INSYN1: variants seen among roughly 807,000 people sequenced by gnomAD.
INSYN1 encodes UPF0583 protein C15orf59.
INSYN1 carries 7 observed loss-of-function variants against 17.1 expected under a neutral mutation model. The observed-to-expected ratio is 0.41, with a 90% CI of 0.23 to 0.77. The LOEUF (loss-of-function observed/expected upper bound fraction) is 0.77, where lower values mean the gene tolerates loss of function less well. Ranked by LOEUF, INSYN1 falls within the 30% of genes least tolerant of loss-of-function variation. The probability of loss-of-function intolerance (pLI) is 0.32; values close to 1 mark genes in which losing one functional copy is unlikely to be tolerated. For missense variants in INSYN1, 339 were observed against 400.6 expected (o/e 0.85, Z 1.31); for synonymous variants, 174 against 166.3 (o/e 1.05, Z -0.36).
Position 73,751,211 on chromosome 15 carries a change from G to A in INSYN1, c.-81C>T, listed in dbSNP as rs888966867. 1.5e-4 allele frequency: 223 copies of A among 1,530,150 alleles called. No individual in the cohort carries two copies. Among genetic ancestry groups the A allele is most frequent in the Non-Finnish European group, 1.7e-4 (197 of 1,129,722 alleles). The allele number at this position is 1,530,150 out of a possible 1,614,324, so 94.8% of individuals were successfully genotyped here. A position where few individuals can be genotyped will look rare whatever the true frequency, so the allele number is the denominator to read the frequency against. On this transcript the variant is annotated 5_prime_UTR_variant, in exon 2 of 3. Transcript: ENST00000569673. ...CGTCTGCCTCCACGGAGCCCCCCTC[G>A]GCTGGGCAGAGCTCCACATTTTAAC...
intron 2 of INSYN1, among the ~76,000 whole-genome samples, chr15:73,744,728 G>A (rs1443080571): frequency 6.6e-6 from 1 of 152,176 alleles, no homozygotes; most frequent in African/African-American, 2.4e-5. Flanking sequence ...TATATACACA[G>A]AAGGAAAGAG....
At chr15:73,743,828 CAAAAAAAAAAAAAAAAAAAAAAAAAAAA>C (rs71434209) in intron 2 of INSYN1, among the ~76,000 whole-genome samples, 3 of 21,296 alleles carry the variant, frequency 1.4e-4, no homozygotes, top group Admixed American at 1.9e-3. Context: ...GACTCTGTCT[CAAAAAAAAAAAAAAAAAAAAAAAAAAAA>C]AAGAAAGAAA....
chr15:73,753,150 C>T lies in INSYN1; in HGVS notation c.-1608G>A, dbSNP rs890923028. Among the ~76,000 whole-genome samples the T allele has an allele frequency of 2.0e-5, 3 of 147,172 alleles. No homozygotes were observed. Among genetic ancestry groups the T allele is most frequent in the Non-Finnish European group, 4.5e-5 (3 of 66,096 alleles). ...TCGGGGCTGGGCCTCCCTTCACCGCCTCGCCCTGCCCTGCCCCGCCGGGCT... is the reference window on the plus strand; with the variant it reads ...TCGGGGCTGGGCCTCCCTTCACCGCTTCGCCCTGCCCTGCCCCGCCGGGCT... On this transcript the variant is annotated 5_prime_UTR_variant, in exon 1 of 3. Coordinates refer to ENST00000569673, the MANE Select transcript of INSYN1 (RefSeq NM_001039614.3). The surrounding 1 kb of genome is among the most constrained non-coding windows in gnomAD (Gnocchi z 4.2).
intron 2 of INSYN1, among the ~76,000 whole-genome samples, chr15:73,740,945 CCT>C (rs1901677317): frequency 1.3e-5 from 2 of 152,232 alleles, no homozygotes; most frequent in African/African-American, 2.4e-5. Context: ...TTCACTCACC[CCT>C]GTCTCTCAAA....
intron 2 of INSYN1, among the ~76,000 whole-genome samples, chr15:73,747,741 A>C (rs762953927): frequency 2.0e-5 from 3 of 152,222 alleles, no homozygotes; most frequent in Non-Finnish European, 2.9e-5. Context: ...GCTGTTCTGC[A>C]TCTCTTACTT....
rs1252349457 is a variant in INSYN1, at chr15:73,753,306, C to G, written c.-1764G>C. On this transcript the variant is annotated 5_prime_UTR_variant, in exon 1 of 3. Transcript: ENST00000569673. The surrounding 1 kb of genome is among the most constrained non-coding windows in gnomAD (Gnocchi z 4.2). Reference sequence around the variant, plus strand: ...GGCGCTGGCTCCCTTAAAGGCCGCCCGGCTCGCTTGGCTCCGCTTGCCTCG... The same window carrying G: ...GGCGCTGGCTCCCTTAAAGGCCGCCGGGCTCGCTTGGCTCCGCTTGCCTCG... Among the ~76,000 whole-genome samples, 2 of 150,698 alleles carry G rather than the reference C, an allele frequency of 1.3e-5. No individual in the cohort carries two copies. Among genetic ancestry groups the G allele is most frequent in the Non-Finnish European group, 3.0e-5 (2 of 67,580 alleles).
chr15:73,741,349 CA>C (rs1161628393), intron 2 of INSYN1, among the ~76,000 whole-genome samples: 2 of 152,228 alleles, frequency 1.3e-5, no homozygotes, highest in African/African-American at 4.8e-5. Flanking sequence ...AGGAATAAAG[CA>C]AGCATTATTT....
At position 73,751,061 on chromosome 15, in the gene INSYN1, G is replaced by A. The variant is rs1206331721; in HGVS notation, c.70C>T (p.Arg24Trp). Reference sequence around the variant, plus strand: ...ACCATCTTCATGCGCTGTCGAATCCGCTCCCGCTCACCACCACTGCTGGGG... The same window carrying A: ...ACCATCTTCATGCGCTGTCGAATCCACTCCCGCTCACCACCACTGCTGGGG... Reference protein sequence around the residue: ...DDPSSGGERERIRQRMKMVIG... With the variant: ...DDPSSGGEREWIRQRMKMVIG... The change falls in exon 2 of 3, where the codon CGG becomes TGG. Residue 24 changes from arginine to tryptophan, a missense_variant. Physicochemically the swap from Arg to Trp is moderately radical, Grantham distance 101. Coordinates refer to ENST00000569673, the MANE Select transcript of INSYN1 (RefSeq NM_001039614.3). The A allele has an allele frequency of 3.1e-6, 5 of 1,613,964 alleles. No homozygotes were observed. Among genetic ancestry groups the A allele is most frequent in the African/African-American group, 1.3e-5 (1 of 75,008 alleles).
At chr15:73,746,622 G>A (rs1212349927) in intron 2 of INSYN1, among the ~76,000 whole-genome samples, 1 of 152,174 alleles carries the variant, frequency 6.6e-6, no homozygotes, top group African/African-American at 2.4e-5. Context: ...GCCACCCAAG[G>A]CTGGGGAAAC....
chr15:73,747,604 A>G (rs199649950), intron 2 of INSYN1, among the ~76,000 whole-genome samples: 2 of 152,230 alleles, frequency 1.3e-5, no homozygotes, highest in East Asian at 3.8e-4. Context: ...CCCCATTTTT[A>G]CCAATGGGAA....
chr15:73,737,701 G>A lies in INSYN1; in HGVS notation c.*2216C>T, dbSNP rs1901565781. 6.6e-6 allele frequency: 1 copy of A among 152,324 alleles called. No individual in the cohort carries two copies. The highest frequency in any genetic ancestry group is 2.1e-4 in the South Asian group (1 of 4,832). The allele number at this position is 152,324 out of a possible 1,614,324, so 9.4% of individuals were successfully genotyped here. A position where few individuals can be genotyped will look rare whatever the true frequency, so the allele number is the denominator to read the frequency against. ...TCTTATCCAGATCATATCCCCTGCAGCTGCTCCAGACCGGCCTGTACAATC... is the reference window on the plus strand; with the variant it reads ...TCTTATCCAGATCATATCCCCTGCAACTGCTCCAGACCGGCCTGTACAATC... On this transcript the variant is annotated 3_prime_UTR_variant, in exon 3 of 3. Transcript: ENST00000569673.
At chr15:73,740,762 G>A (rs1901673414) in intron 2 of INSYN1, 120 bp from the exon 3 acceptor site, 7 of 845,456 alleles carry the variant, frequency 8.3e-6, no homozygotes, top group South Asian at 8.2e-5. Context: ...CTGGACAGGG[G>A]AGAGCCTGTA....
chr15:73,750,668 G>A (rs1226803810), intron 2 of INSYN1, among the ~76,000 whole-genome samples: 1 of 152,188 alleles, frequency 6.6e-6, no homozygotes, highest in Non-Finnish European at 1.5e-5. Context: ...CCACTAAGAA[G>A]CTGTGGCGGG....
At chr15:73,749,361 A>G (rs1287738094) in intron 2 of INSYN1, among the ~76,000 whole-genome samples, 1 of 152,122 alleles carries the variant, frequency 6.6e-6, no homozygotes, top group African/African-American at 2.4e-5. Context: ...TGGATTACCT[A>G]TGAGATCCTT....
intron 2 of INSYN1, among the ~76,000 whole-genome samples, chr15:73,747,948 G>T (rs1468328769): frequency 6.6e-6 from 1 of 152,178 alleles, no homozygotes; most frequent in East Asian, 1.9e-4. Context: ...CCACCAATGG[G>T]ATAGAACTTG....
intron 2 of INSYN1, among the ~76,000 whole-genome samples, chr15:73,748,125 T>G (rs1198407981): frequency 6.6e-6 from 1 of 152,114 alleles, no homozygotes; most frequent in African/African-American, 2.4e-5. Flanking sequence ...AAGATCACCG[T>G]GCAGTGCAAA....
rs1034721884 is a variant in INSYN1 at position 73,737,224 on chromosome 15, G to A, written c.*2693C>T. ...TCTGTGAAATGCGAACTATTCCATAGGTTTCTTTTCCCTGACTGTTGAAAA... is the reference window on the plus strand; with the variant it reads ...TCTGTGAAATGCGAACTATTCCATAAGTTTCTTTTCCCTGACTGTTGAAAA... On this transcript the variant is annotated 3_prime_UTR_variant, in exon 3 of 3. Coordinates refer to ENST00000569673, the MANE Select transcript of INSYN1 (RefSeq NM_001039614.3). 1 of 152,252 alleles carries A rather than the reference G, an allele frequency of 6.6e-6. No homozygotes were observed. The highest frequency in any genetic ancestry group is 2.4e-5 in the African/African-American group (1 of 41,458). 9.4% of individuals were successfully genotyped at this position (152,252 alleles called of 1,614,324 possible). A position where few individuals can be genotyped will look rare whatever the true frequency, so the allele number is the denominator to read the frequency against.
At chr15:73,744,145 TG>T (rs1416028096) in intron 2 of INSYN1, among the ~76,000 whole-genome samples, 26 of 152,204 alleles carry the variant, frequency 1.7e-4, no homozygotes, top group Non-Finnish European at 3.1e-4. Context: ...AATGCACCGT[TG>T]GGGGCTAACA....
At chr15:73,749,341 A>G (rs1901917240) in intron 2 of INSYN1, among the ~76,000 whole-genome samples, 1 of 152,180 alleles carries the variant, frequency 6.6e-6, no homozygotes, top group African/African-American at 2.4e-5. Context: ...GTAAATGGAC[A>G]GAGCTGGTCT....
Sources: gnomAD v4.1 joint callset for allele counts (sites outside exome capture counted in the v4.1 genomes callset) on GRCh38, gnomAD v4.1.1 for gene constraint, Gnocchi (gnomAD v3.1) non-coding constraint, MANE v1.5 for transcripts, NCBI Gene and HGNC (gene_info 2026-07-23, HGNC 2026-07-21) for gene names.